Variants in MYH9 observed in about 807,000 individuals in gnomAD.
MYH9 encodes the protein myosin heavy chain 9, also known as myosin-9.
Under a neutral mutation model 241.9 loss-of-function variants are expected in MYH9, and 29 were observed. The observed-to-expected ratio is 0.12, with a 90% CI of 0.09 to 0.16. The LOEUF is 0.16. MYH9 is among the 10% of genes least tolerant of loss of function. The pLI, the probability that MYH9 is intolerant of heterozygous loss-of-function variation, is 1.00. For missense variants in MYH9, 1,803 were observed against 2,595.5 expected (o/e 0.69, Z 6.63); for synonymous variants, 1,047 against 1,062.6 (o/e 0.99, Z 0.29).
chr22:36,346,010 G>A (rs1324528144), intron 2 of MYH9, among the ~76,000 whole-genome samples: 2 of 152,182 alleles, frequency 1.3e-5, no homozygotes, highest in African/African-American at 2.4e-5. Context: ...AGCCGGGCAT[G>A]CTGGTGGGCA....
intron 31 of MYH9, among the ~76,000 whole-genome samples, chr22:36,290,784 C>T (rs1173185829): frequency 6.6e-6 from 1 of 150,782 alleles, no homozygotes; most frequent in Admixed American, 6.6e-5. Flanking sequence ...ATGTGGGGAG[C>T]GCCTCTGCCC....
At chr22:36,308,088 C>T (rs1439710385) in intron 15 of MYH9, among the ~76,000 whole-genome samples, 3 of 151,972 alleles carry the variant, frequency 2.0e-5, no homozygotes, top group Non-Finnish European at 2.9e-5. Flanking sequence ...CAGACCTTGC[C>T]GAGCAACTGT....
At chr22:36,345,429 A>G (rs965822276) in intron 2 of MYH9, among the ~76,000 whole-genome samples, 2 of 151,734 alleles carry the variant, frequency 1.3e-5, no homozygotes, top group African/African-American at 4.9e-5. Flanking sequence ...CAGGTCCTCG[A>G]GGCTCCAACT....
intron 20 of MYH9, 91 bp from the exon 21 acceptor site, chr22:36,301,756 C>T (rs1426645669): frequency 4.5e-6 from 7 of 1,552,560 alleles, no homozygotes; most frequent in Admixed American, 1.7e-5. Context: ...CCTCTGGAAA[C>T]ATGAAAGTGA....
chr22:36,346,309 A>C (rs955855650), intron 2 of MYH9, among the ~76,000 whole-genome samples: 1 of 152,238 alleles, frequency 6.6e-6, no homozygotes, highest in African/African-American at 2.4e-5. Context: ...AGCAATCAAC[A>C]AGGAAATGCA....
At position 36,288,715 on chromosome 22, in the gene MYH9, G is replaced by C; in HGVS notation, c.4770+12C>G. Reference sequence around the variant, plus strand: ...CTTGGGCACCCATGGGGTAGCAGGAGGCCATGCACACCTGTCTGACCAGCT... The same window carrying C: ...CTTGGGCACCCATGGGGTAGCAGGACGCCATGCACACCTGTCTGACCAGCT... On this transcript the variant is annotated intron_variant, in intron 33 of 40. Transcript: ENST00000216181. This position sits in a 1 kb window ranked among gnomAD's most constrained non-coding sequence, Gnocchi z 4.8. 6.2e-7 allele frequency: 1 copy of C among 1,601,220 alleles called. No individual in the cohort carries two copies. Among genetic ancestry groups the C allele is most frequent in the Non-Finnish European group, 8.5e-7 (1 of 1,179,904 alleles).
chr22:36,301,118 A>G, intron 21 of MYH9, 61 bp from the exon 22 acceptor site: 1 of 1,498,856 alleles, frequency 6.7e-7, no homozygotes, highest in Non-Finnish European at 9.2e-7. Flanking sequence ...CTCCATCCTC[A>G]AGGACGGACG....
At chr22:36,284,366 C>G in intron 39 of MYH9, 37 bp downstream of exon 39, 1 of 1,608,706 alleles carries the variant, frequency 6.2e-7, no homozygotes, top group Non-Finnish European at 8.5e-7. Flanking sequence ...GCTGCCCAGC[C>G]CCGCTGCCCT....
intron 1 of MYH9, among the ~76,000 whole-genome samples, chr22:36,377,716 TGG>T (rs1301336112): frequency 6.6e-6 from 1 of 151,416 alleles, no homozygotes; most frequent in Non-Finnish European, 1.5e-5. Context: ...GAGACCATCC[TGG>T]CTAACACGGT....
At chr22:36,356,488 C>T (rs1434475093) in intron 1 of MYH9, among the ~76,000 whole-genome samples, 2 of 141,738 alleles carry the variant, frequency 1.4e-5, no homozygotes, top group South Asian at 2.2e-4. Flanking sequence ...GGCTGAGGCA[C>T]GAGAATCGCT....
In MYH9 at chr22:36,313,052, T is replaced by G. The variant is rs922906436; in HGVS notation, c.1555-830A>C. 4.1e-4 allele frequency among the ~76,000 whole-genome samples: 61 copies of G among 150,198 alleles called. No individual in the cohort carries two copies. The Middle Eastern group carries it at 0.014, about 34-fold the overall frequency. Reference sequence around the variant, plus strand: ...TTGCAGTGAGCCGAGAGCACGCCATTGCACTCCAGCCTGGGCGACAAGAAC... The same window carrying G: ...TTGCAGTGAGCCGAGAGCACGCCATGGCACTCCAGCCTGGGCGACAAGAAC... On this transcript the variant is annotated intron_variant, in intron 13 of 40. Transcript: ENST00000216181.
At position 36,329,720 on chromosome 22, in the gene MYH9, GAAC is replaced by G. The variant is rs1180688026; in HGVS notation, c.491-2235_491-2233del. ...AGGAGGAGTCAGAGGCTCTGCTGCT[GAAC>G]AACAGGAAGCAGAGCCCCCAAACAC... is the stretch of plus-strand genomic sequence containing the variant. On this transcript the variant is annotated intron_variant, in intron 3 of 40. Coordinates refer to ENST00000216181, the MANE Select transcript of MYH9 (RefSeq NM_002473.6). This position sits in a 1 kb window ranked among gnomAD's most constrained non-coding sequence, Gnocchi z 4.1. 2.0e-5 allele frequency among the ~76,000 whole-genome samples: 3 copies of G among 152,284 alleles called. No individual in the cohort carries two copies. Among genetic ancestry groups the G allele is most frequent in the Admixed American group, 2.0e-4 (3 of 15,294 alleles).
At chr22:36,370,252 A>G (rs1294629257) in intron 1 of MYH9, among the ~76,000 whole-genome samples, 1 of 152,162 alleles carries the variant, frequency 6.6e-6, no homozygotes, top group Non-Finnish European at 1.5e-5. Context: ...GTGCCTGCCT[A>G]TTTACCTAAG....
intron 20 of MYH9, chr22:36,302,348 C>T: frequency 2.0e-6 from 1 of 491,988 alleles, no homozygotes; most frequent in South Asian, 2.0e-5. Context: ...GACCTTGTCT[C>T]TACTAAAAAT....
At chr22:36,356,972 T>C (rs1190166535) in intron 1 of MYH9, among the ~76,000 whole-genome samples, 7 of 152,276 alleles carry the variant, frequency 4.6e-5, no homozygotes, top group Non-Finnish European at 7.3e-5. Flanking sequence ...CTCTCTGGCC[T>C]CAACTGTAAA....
intron 2 of MYH9, among the ~76,000 whole-genome samples, chr22:36,342,882 C>A (rs944191933): frequency 6.6e-6 from 1 of 152,218 alleles, no homozygotes; most frequent in African/African-American, 2.4e-5. Flanking sequence ...GGAGCAGACT[C>A]GGGTCTCCAA....
At chr22:36,359,448 C>T (rs1336620370) in intron 1 of MYH9, among the ~76,000 whole-genome samples, 2 of 152,174 alleles carry the variant, frequency 1.3e-5, no homozygotes, top group South Asian at 2.1e-4. Context: ...AAACCACACA[C>T]GCGTAAGGGT....
chr22:36,298,776 G>A (rs1377802212), intron 24 of MYH9, 143 bp downstream of exon 24: 1 of 1,285,214 alleles, frequency 7.8e-7, no homozygotes, highest in Non-Finnish European at 1.1e-6. Context: ...AGGTCTAAAG[G>A]GCAGCAGCCA....
rs369955954 is a variant in MYH9, at chr22:36,312,033, C to A, written c.1728+16G>T. 1 of 1,613,696 alleles carries A rather than the reference C, an allele frequency of 6.2e-7. No homozygotes were observed. The highest frequency in any genetic ancestry group is 1.1e-5 in the South Asian group (1 of 91,050). On this transcript the variant is annotated intron_variant, in intron 14 of 40. Transcript: ENST00000216181. ...TGTGAAGATCTGGCCAGCACCTCCC[C>A]GTGAGCGCTCCTCACCTTGCCGGCA... is the stretch of plus-strand genomic sequence containing the variant.
Sources: gnomAD v4.1 joint callset for allele counts (sites outside exome capture counted in the v4.1 genomes callset) on GRCh38, gnomAD v4.1.1 for gene constraint, Gnocchi (gnomAD v3.1) non-coding constraint, MANE v1.5 for transcripts, NCBI Gene and HGNC (gene_info 2026-07-23, HGNC 2026-07-21) for gene names.